XKR9: variants seen among roughly 807,000 people sequenced by gnomAD.
The protein encoded by XKR9 is XK related 9.
In XKR9, 32 loss-of-function variants were observed where a neutral mutation model predicts 32.0. The observed-to-expected ratio is 1.00, with a 90% CI of 0.76 to 1.34. The LOEUF (loss-of-function observed/expected upper bound fraction) is 1.34, where lower values mean the gene tolerates loss of function less well. Among genes scored for constraint, XKR9 ranks in the 40% most tolerant of loss-of-function variants. XKR9 has a pLI of 0.00. For synonymous variants in XKR9, 168 were observed against 143.4 expected (o/e 1.17, Z -1.22); for missense variants, 546 against 429.7 (o/e 1.27, Z -2.39).
At chr8:70,982,780 C>T in the XKR9 span, among the ~76,000 whole-genome samples, 2 of 152,188 alleles carry the variant, frequency 1.3e-5, no homozygotes, top group Non-Finnish European at 2.9e-5. Context: ...CCACACACTG[C>T]TCTGTATATG....
the XKR9 span, among the ~76,000 whole-genome samples, chr8:70,867,012 C>T: frequency 0.32 from 48,364 of 151,942 alleles, 9,026 homozygotes; most frequent in Non-Finnish European, 0.43. Flanking sequence ...CCGAGTGTAT[C>T]AGTTTATTTT....
the XKR9 span, among the ~76,000 whole-genome samples, chr8:70,803,237 G>C: frequency 6.6e-6 from 1 of 152,040 alleles, no homozygotes; most frequent in Non-Finnish European, 1.5e-5. Context: ...CATTTCTGCT[G>C]TTAATATTTG....
the XKR9 span, among the ~76,000 whole-genome samples, chr8:70,901,760 C>T: frequency 9.7e-3 from 1,476 of 152,176 alleles, 23 homozygotes; most frequent in African/African-American, 0.034. Context: ...AATGGTATTG[C>T]CTAGGTTCTC....
chr8:70,694,902 A>C (rs1255255820), intron 3 of XKR9, among the ~76,000 whole-genome samples: 13 of 152,326 alleles, frequency 8.5e-5, no homozygotes, highest in Admixed American at 7.2e-4. Context: ...GACTCCATGC[A>C]TGCCTGAGTG....
At chr8:70,771,344 C>T (rs1485726480) in intron 2 of XKR9, among the ~76,000 whole-genome samples, 2 of 152,222 alleles carry the variant, frequency 1.3e-5, no homozygotes, top group African/African-American at 4.8e-5. Context: ...CAGACTGGAG[C>T]TGTTCCTATT....
At chr8:70,794,408 A>G (rs1807802571), downstream of XKR9, among the ~76,000 whole-genome samples, 1 of 152,030 alleles carries the variant, frequency 6.6e-6, no homozygotes, top group Non-Finnish European at 1.5e-5. Context: ...AGTGGTGAGA[A>G]TTAGCATCCT....
the XKR9 span, among the ~76,000 whole-genome samples, chr8:70,809,212 C>T: frequency 6.6e-6 from 1 of 152,124 alleles, no homozygotes; most frequent in South Asian, 2.1e-4. Context: ...CAGCAAACTC[C>T]AACAGACCTG....
chr8:70,973,139 C>T, the XKR9 span, among the ~76,000 whole-genome samples: 62 of 151,982 alleles, frequency 4.1e-4, no homozygotes, highest in East Asian at 8.9e-3. Flanking sequence ...ATTTCAATCC[C>T]GCTATTTGTT....
the XKR9 span, among the ~76,000 whole-genome samples, chr8:70,797,959 A>G: frequency 0.06 from 9,069 of 152,172 alleles, 411 homozygotes; most frequent in Non-Finnish European, 0.089. Context: ...ATTATTGATG[A>G]GCATTTAGGT....
At chr8:71,050,015 T>A in the XKR9 span, among the ~76,000 whole-genome samples, 1 of 152,006 alleles carries the variant, frequency 6.6e-6, no homozygotes, top group Non-Finnish European at 1.5e-5. Flanking sequence ...TGGGTGCTAG[T>A]TATTCCAGAT....
At chr8:70,890,260 C>T in the XKR9 span, among the ~76,000 whole-genome samples, 10 of 151,824 alleles carry the variant, frequency 6.6e-5, no homozygotes, top group Non-Finnish European at 1.2e-4. Context: ...AAACAATTGA[C>T]AATTTGACTC....
chr8:70,974,931 C>A, the XKR9 span, among the ~76,000 whole-genome samples: 4 of 152,208 alleles, frequency 2.6e-5, no homozygotes, highest in Non-Finnish European at 5.9e-5. Context: ...GATTGCCATT[C>A]TAACTGGTGT....
chr8:70,993,576 G>A, the XKR9 span, among the ~76,000 whole-genome samples: 1 of 149,266 alleles, frequency 6.7e-6, no homozygotes, highest in Non-Finnish European at 1.5e-5. Context: ...TACTAAGGAT[G>A]AGAATCTTCT....
chr8:71,056,819 A>C, the XKR9 span, among the ~76,000 whole-genome samples: 2 of 152,236 alleles, frequency 1.3e-5, no homozygotes, highest in East Asian at 3.8e-4. Context: ...TTATTAATAA[A>C]AAATAATTTA....
At chr8:70,727,454 G>T (rs1212993377) in intron 4 of XKR9, among the ~76,000 whole-genome samples, 2 of 151,832 alleles carry the variant, frequency 1.3e-5, no homozygotes, top group African/African-American at 4.8e-5. Context: ...AGGCTGGAGT[G>T]CAGTGGCGCG....
At chr8:71,024,230 G>T in the XKR9 span, among the ~76,000 whole-genome samples, 13 of 152,114 alleles carry the variant, frequency 8.5e-5, no homozygotes, top group Non-Finnish European at 1.3e-4. Context: ...CAGGGGCAGG[G>T]TTTCTGTCAG....
At chr8:70,989,589 T>C in the XKR9 span, among the ~76,000 whole-genome samples, 1 of 152,218 alleles carries the variant, frequency 6.6e-6, no homozygotes, top group African/African-American at 2.4e-5. Context: ...AGTAGAACAG[T>C]GAATGAACCA....
chr8:70,722,390 G>C (rs1586856870), intron 4 of XKR9, among the ~76,000 whole-genome samples: 1 of 152,220 alleles, frequency 6.6e-6, no homozygotes, highest in East Asian at 1.9e-4. Context: ...TCTTCATAGT[G>C]TCATAGGTCT....
At chr8:70,879,546 T>C in the XKR9 span, among the ~76,000 whole-genome samples, 1 of 152,114 alleles carries the variant, frequency 6.6e-6, no homozygotes. Flanking sequence ...GCAAATAAAC[T>C]AGAAAATCTA....
Sources: allele counts gnomAD v4.1 joint callset (sites outside exome capture counted in the v4.1 genomes callset), GRCh38; gene constraint gnomAD v4.1.1; transcripts MANE v1.5; gene names NCBI Gene and HGNC (gene_info 2026-07-23, HGNC 2026-07-21).